ELN: variants seen among roughly 807,000 people sequenced by gnomAD.
The protein encoded by ELN is tropoelastin.
A neutral mutation model predicts 105.8 loss-of-function variants in ELN; 65 were observed. That is an observed-to-expected ratio of 0.61 (90% CI 0.50 to 0.75). ELN has a LOEUF of 0.75. Among genes scored for constraint, ELN ranks in the 30% least tolerant of loss-of-function variants. The pLI, the probability that ELN is intolerant of heterozygous loss-of-function variation, is 0.00. For missense variants in ELN, 882 were observed against 969.4 expected (o/e 0.91, Z 1.20); for synonymous variants, 368 against 389.2 (o/e 0.95, Z 0.64).
intron 26 of ELN, among the ~76,000 whole-genome samples, chr7:74,062,605 C>A (rs1364884118): frequency 3.9e-5 from 6 of 152,148 alleles, no homozygotes; most frequent in African/African-American, 1.2e-4. Flanking sequence ...GGCTGGAATG[C>A]AGTGGTACGA....
Position 74,048,127 on chromosome 7 carries a change from C to T in ELN, c.686-15C>T, listed in dbSNP as rs781842547. ...ATGTCTGCACAGATGACCATCAAGC[C>T]TCTCTGTTTTGCAGGCTATGGGCCC... On this transcript the variant is annotated splice_polypyrimidine_tract_variant and intron_variant, in intron 13 of 32. Coordinates refer to ENST00000252034, the MANE Select transcript of ELN (RefSeq NM_000501.4). The T allele has an allele frequency of 1.2e-6, 2 of 1,614,020 alleles. No individual in the cohort carries two copies. Among genetic ancestry groups the T allele is most frequent in the Middle Eastern group, 1.7e-4 (1 of 6,048 alleles).
Position 74,048,137 on chromosome 7 carries a change from T to G in ELN, c.686-5T>G, listed in dbSNP as rs1583818052. 5.6e-6 allele frequency: 9 copies of G among 1,613,914 alleles called. No individual in the cohort carries two copies. The highest frequency in any genetic ancestry group is 7.6e-6 in the Non-Finnish European group (9 of 1,179,966). Reference sequence around the variant, plus strand: ...AGATGACCATCAAGCCTCTCTGTTTTGCAGGCTATGGGCCCGGAGGAGTGG... The same window carrying G: ...AGATGACCATCAAGCCTCTCTGTTTGGCAGGCTATGGGCCCGGAGGAGTGG... On this transcript the variant is annotated splice_polypyrimidine_tract_variant and splice_region_variant and intron_variant, in intron 13 of 32. Coordinates refer to ENST00000252034, the MANE Select transcript of ELN (RefSeq NM_000501.4).
chr7:74,056,453 C>G lies in ELN; in HGVS notation c.1315+18C>G, dbSNP rs1010441504. ...CATTTCCCGTGAGCCTTAGTCACAC[C>G]TGGGGACATGGGTTGAGAAGGGATG... On this transcript the variant is annotated intron_variant, in intron 20 of 32. Transcript: ENST00000252034. 4.3e-6 allele frequency: 7 copies of G among 1,613,152 alleles called. No individual in the cohort carries two copies. The highest frequency in any genetic ancestry group is 1.3e-5 in the African/African-American group (1 of 74,856).
chr7:74,052,701 GGGAA>G (rs1330506125), intron 17 of ELN: 178 of 158,734 alleles, frequency 1.1e-3, no homozygotes, highest in Non-Finnish European at 1.8e-3. Flanking sequence ...GAGGGAGGGA[GGGAA>G]GGAAGGAAAT....
Position 74,060,202 on chromosome 7 carries a change from C to T in ELN, c.1621+18C>T, listed in dbSNP as rs1583964247. ...CCAGCTCCGTGAGTGCCTCGCCCAC[C>T]TTTCTCTCCTCTCCCCAACGATCTC... On this transcript the variant is annotated intron_variant, in intron 24 of 32. Transcript: ENST00000252034. 6.2e-7 allele frequency: 1 copy of T among 1,614,114 alleles called. No homozygotes were observed. Among genetic ancestry groups the T allele is most frequent in the East Asian group, 2.2e-5 (1 of 44,890 alleles).
Position 74,065,717 on chromosome 7 carries a change from A to T in ELN, c.2017A>T (p.Lys673Ter). ...AGGTATACCTCCAGCTGCAGCCGCT[A>T]AAGCAGCTAAATACGGTGAGTTCCC... The part of the protein sequence containing the change: ...LGGIPPAAAA[K>*]AAKYGAAGLG... Residue 673 changes from lysine to a stop codon, truncating the protein, a stop_gained, in exon 30 of 33, where the codon AAA becomes TAA. Transcript: ENST00000252034. LOFTEE classifies it high-confidence loss of function. 6.2e-7 allele frequency: 1 copy of T among 1,613,604 alleles called. No homozygotes were observed. Among genetic ancestry groups the T allele is most frequent in the Non-Finnish European group, 8.5e-7 (1 of 1,179,992 alleles).
intron 31 of ELN, 69 bp from the exon 32 acceptor site, chr7:74,066,663 G>T: frequency 6.5e-7 from 1 of 1,532,248 alleles, no homozygotes; most frequent in Non-Finnish European, 9.0e-7. Context: ...GCCAGTGCAG[G>T]CAGAAAGTGA....
Position 74,065,868 on chromosome 7 carries a change from C to T in ELN, c.2033-76C>T. 5 of 1,612,800 alleles carry T rather than the reference C, an allele frequency of 3.1e-6. No homozygotes were observed. In the South Asian group the frequency reaches 4.4e-5, roughly 14 times the overall value. ...AGATCTTGTCTGGGACATTCCTTAA[C>T]CCAGAACCCAGCAGGGATATCAGGG... is the stretch of plus-strand genomic sequence containing the variant. On this transcript the variant is annotated intron_variant, in intron 30 of 32. Transcript: ENST00000252034.
chr7:74,042,582 C>G, intron 5 of ELN, 32 bp from the exon 6 acceptor site: 1 of 1,602,650 alleles, frequency 6.2e-7, no homozygotes, highest in Non-Finnish European at 8.5e-7. Context: ...GGTGTGGTAG[C>G]TCAGGACCTC....
At position 74,068,936 on chromosome 7, in the gene ELN, C is replaced by G. The variant is rs1046076703; in HGVS notation, c.*236C>G. 14 of 578,080 alleles carry G rather than the reference C, an allele frequency of 2.4e-5. No individual in the cohort carries two copies. The highest frequency in any genetic ancestry group is 3.7e-5 in the Non-Finnish European group (12 of 321,540). The allele number at this position is 578,080 out of a possible 1,614,324, so 35.8% of individuals were successfully genotyped here. ...CAAGGGCCATGTGGTCCTGGCCCCC[C>G]ACCCCATCCCTTCCCACCTAGGAGC... On this transcript the variant is annotated 3_prime_UTR_variant, in exon 33 of 33. Transcript: ENST00000252034.
At position 74,043,349 on chromosome 7, in the gene ELN, C is replaced by G. The variant is rs1791693899; in HGVS notation, c.427+181C>G. ...GTGAAATGGGGAGGAGGGGCCTGGC[C>G]CACTTCCCGGGCCCTTCTCCCGGGA... On this transcript the variant is annotated intron_variant, in intron 8 of 32. Transcript: ENST00000252034. 7 of 942,618 alleles carry G rather than the reference C, an allele frequency of 7.4e-6. No homozygotes were observed. In the Admixed American group the frequency reaches 1.0e-4, roughly 14 times the overall value. The allele number at this position is 942,618 out of a possible 1,614,324, so 58.4% of individuals were successfully genotyped here.
chr7:74,045,868 C>G (rs1792360065), intron 10 of ELN: 1 of 398,266 alleles, frequency 2.5e-6, no homozygotes. Context: ...AGCCCTGTCT[C>G]TACTAATAAT....
rs1554684267 is a variant in ELN, at chr7:74,061,149, C to T, written c.1786+10C>T. On this transcript the variant is annotated intron_variant, in intron 26 of 32. Coordinates refer to ENST00000252034, the MANE Select transcript of ELN (RefSeq NM_000501.4). ...AAAGCAGCCAAATATGGTGAGTGCACCCCACAACCACTTGTGGCTCCCTTG... is the reference window on the plus strand; with the variant it reads ...AAAGCAGCCAAATATGGTGAGTGCATCCCACAACCACTTGTGGCTCCCTTG... 1 of 1,614,086 alleles carries T rather than the reference C, an allele frequency of 6.2e-7. No individual in the cohort carries two copies. Among genetic ancestry groups the T allele is most frequent in the East Asian group, 2.2e-5 (1 of 44,886 alleles).
chr7:74,066,023 A>C lies in ELN; in HGVS notation c.2086+26A>C, dbSNP rs1249832308. 17 of 1,613,874 alleles carry C rather than the reference A, an allele frequency of 1.1e-5. No individual in the cohort carries two copies. The Admixed American group carries it at 2.8e-4, about 27-fold the overall frequency. ...GTAGGGGTGGCCAGCTCTGCTACGT[A>C]GTCCTCAGCTCTGTCCCGATCTAGA... On this transcript the variant is annotated intron_variant, in intron 31 of 32. Transcript: ENST00000252034.
intron 14 of ELN, 39 bp downstream of exon 14, chr7:74,048,240 C>G: frequency 1.2e-6 from 2 of 1,612,646 alleles, no homozygotes; most frequent in South Asian, 2.2e-5. Context: ...CAAGGGAGCA[C>G]TGATCTTCCA....
chr7:74,032,103 T>C (rs1788838780), intron 1 of ELN, among the ~76,000 whole-genome samples: 1 of 152,072 alleles, frequency 6.6e-6, no homozygotes, highest in Non-Finnish European at 1.5e-5. Context: ...CGAAGGATGT[T>C]TGTGGAAGGA....
intron 25 of ELN, 132 bp from the exon 26 acceptor site, chr7:74,060,969 C>A: frequency 9.1e-7 from 1 of 1,098,416 alleles, no homozygotes; most frequent in Non-Finnish European, 1.4e-6. Flanking sequence ...AGCTCTGTGC[C>A]TGTACAGCTT....
At chr7:74,045,133 G>A in intron 9 of ELN, 89 bp from the exon 10 acceptor site, 1 of 1,471,012 alleles carries the variant, frequency 6.8e-7, no homozygotes. Context: ...TCCCAAGGGA[G>A]GTCAGCTGGG....
intron 18 of ELN, among the ~76,000 whole-genome samples, chr7:74,054,402 G>A (rs1255395749): frequency 2.6e-5 from 4 of 151,846 alleles, no homozygotes; most frequent in African/African-American, 7.2e-5. Context: ...CCGGGGAGGC[G>A]GAGATTGCAG....
Sources: gnomAD v4.1 joint callset for allele counts (sites outside exome capture counted in the v4.1 genomes callset) on GRCh38, gnomAD v4.1.1 for gene constraint, MANE v1.5 for transcripts, NCBI Gene and HGNC (gene_info 2026-07-23, HGNC 2026-07-21) for gene names.